Variants in POU2F1 observed in about 807,000 individuals in gnomAD.
The protein encoded by POU2F1 is POU class 2 homeobox 1, also known as POU domain, class 2, transcription factor 1.
Under a neutral mutation model 84.9 loss-of-function variants are expected in POU2F1, and 16 were observed. That is an observed-to-expected ratio of 0.19 (90% CI 0.13 to 0.29). The LOEUF (loss-of-function observed/expected upper bound fraction) is 0.29. Ranked by LOEUF, POU2F1 falls within the 10% of genes least tolerant of loss-of-function variation. The probability of loss-of-function intolerance (pLI) is 1.00; values close to 1 mark genes in which losing one functional copy is unlikely to be tolerated. For missense variants in POU2F1, 738 were observed against 942.6 expected (o/e 0.78, Z 2.84); for synonymous variants, 368 against 368.3 (o/e 1.00, Z 0.01).
At chr1:167,390,382 GA>G (rs1211046888) in intron 9 of POU2F1, among the ~76,000 whole-genome samples, 1 of 152,240 alleles carries the variant, frequency 6.6e-6, no homozygotes, top group Non-Finnish European at 1.5e-5. Context: ...GTTATTTGAA[GA>G]ATATCTGGTG....
chr1:167,408,821 A>T (rs985669707), intron 13 of POU2F1, among the ~76,000 whole-genome samples: 3 of 152,238 alleles, frequency 2.0e-5, no homozygotes, highest in Non-Finnish European at 2.9e-5. Context: ...ATGAATTTTC[A>T]TGTGCTTACT....
chr1:167,301,013 G>A (rs1048898287), intron 1 of POU2F1, among the ~76,000 whole-genome samples: 2 of 152,050 alleles, frequency 1.3e-5, no homozygotes, highest in African/African-American at 2.4e-5. Context: ...CAGGTGATCC[G>A]CCTGCCTTGG....
chr1:167,382,432 A>C (rs1014683669), intron 7 of POU2F1, among the ~76,000 whole-genome samples: 11 of 152,182 alleles, frequency 7.2e-5, no homozygotes, highest in African/African-American at 2.4e-4. Context: ...AGAAAAGCCA[A>C]AGTAGCTGGA....
At chr1:167,387,370 T>C in intron 8 of POU2F1, 1 of 385,454 alleles carries the variant, frequency 2.6e-6, no homozygotes, top group Non-Finnish European at 5.3e-6. Context: ...CTGTGAGAAA[T>C]GTACAGCTAC....
At chr1:167,289,947 A>G (rs1006858388) in intron 1 of POU2F1, among the ~76,000 whole-genome samples, 1 of 152,250 alleles carries the variant, frequency 6.6e-6, no homozygotes, top group African/African-American at 2.4e-5. Flanking sequence ...AAAAATAATT[A>G]TAGTAACTTG....
rs1216979352 is a variant in POU2F1, at chr1:167,422,954, C to A, written c.*7144C>A. The stretch of plus-strand genomic sequence containing the variant: ...TTTATTTTGTTTTGCTCTGCTGGCT[C>A]TTTAAAGATGGATAGTTGCTCAATC... On this transcript the variant is annotated 3_prime_UTR_variant, in exon 16 of 16. Coordinates refer to ENST00000367866, the MANE Select transcript of POU2F1 (RefSeq NM_002697.4). 1.3e-5 allele frequency: 2 copies of A among 152,174 alleles called. No individual in the cohort carries two copies. The highest frequency in any genetic ancestry group is 2.9e-5 in the Non-Finnish European group (2 of 68,036). 9.4% of individuals were successfully genotyped at this position (152,174 alleles called of 1,614,324 possible). A position where few individuals can be genotyped will look rare whatever the true frequency, so the allele number is the denominator to read the frequency against.
At chr1:167,289,631 A>T (rs1182446649) in intron 1 of POU2F1, among the ~76,000 whole-genome samples, 1 of 152,232 alleles carries the variant, frequency 6.6e-6, no homozygotes, top group Non-Finnish European at 1.5e-5. Flanking sequence ...GTTTAATGTG[A>T]CTAACATATT....
intron 13 of POU2F1, among the ~76,000 whole-genome samples, chr1:167,404,015 T>C (rs2101924615): frequency 6.6e-6 from 1 of 152,304 alleles, no homozygotes. Flanking sequence ...TCTTTTTCCT[T>C]GTTTTTTCTC....
chr1:167,331,417 G>A (rs181747737), intron 1 of POU2F1, among the ~76,000 whole-genome samples: 1 of 152,004 alleles, frequency 6.6e-6, no homozygotes, highest in African/African-American at 2.4e-5. Flanking sequence ...GTGCTCTTTG[G>A]TCAAAAACAG....
In POU2F1 at chr1:167,419,075, C is replaced by T. The variant is rs768543256; in HGVS notation, c.*3265C>T. 1.3e-5 allele frequency: 2 copies of T among 152,132 alleles called. No homozygotes were observed. Among genetic ancestry groups the T allele is most frequent in the South Asian group, 2.1e-4 (1 of 4,826 alleles). 9.4% of individuals were successfully genotyped at this position (152,132 alleles called of 1,614,324 possible). A position where few individuals can be genotyped will look rare whatever the true frequency, so the allele number is the denominator to read the frequency against. On this transcript the variant is annotated 3_prime_UTR_variant, in exon 16 of 16. Coordinates refer to ENST00000367866, the MANE Select transcript of POU2F1 (RefSeq NM_002697.4). ...CCTAGATATTCTACTTATCGTATTG[C>T]TTCATGAACACCTTAGTCATTTTTT...
At chr1:167,239,647 A>G (rs1043528847) in intron 1 of POU2F1, among the ~76,000 whole-genome samples, 3 of 152,212 alleles carry the variant, frequency 2.0e-5, no homozygotes, top group East Asian at 1.9e-4. Context: ...AGAACAATAT[A>G]CTTAAAAAGT....
intron 1 of POU2F1, among the ~76,000 whole-genome samples, chr1:167,288,955 T>C (rs1015216115): frequency 5.9e-5 from 9 of 152,246 alleles, no homozygotes; most frequent in African/African-American, 1.9e-4. Context: ...AACTCAGTGC[T>C]CTTTAAATGG....
At chr1:167,295,399 GC>G (rs1654227455) in intron 1 of POU2F1, among the ~76,000 whole-genome samples, 1 of 152,188 alleles carries the variant, frequency 6.6e-6, no homozygotes, top group East Asian at 1.9e-4. Context: ...GGAGCTGCAG[GC>G]CATTATTCTA....
intron 1 of POU2F1, among the ~76,000 whole-genome samples, chr1:167,327,240 C>T (rs570317857): frequency 1.3e-3 from 198 of 152,298 alleles, no homozygotes; most frequent in African/African-American, 4.5e-3. Flanking sequence ...CTCCAGTCCA[C>T]GCTCTTGTCT....
intron 2 of POU2F1, among the ~76,000 whole-genome samples, chr1:167,345,157 C>T (rs762108483): frequency 3.9e-5 from 6 of 151,972 alleles, no homozygotes; most frequent in Non-Finnish European, 8.8e-5. Context: ...CTATGTATCC[C>T]GGAACTTAAA....
At chr1:167,250,030 A>G (rs1394616856) in intron 1 of POU2F1, among the ~76,000 whole-genome samples, 3 of 152,194 alleles carry the variant, frequency 2.0e-5, no homozygotes, top group Non-Finnish European at 2.9e-5. Flanking sequence ...GAATAATGCA[A>G]AATCTTCATT....
chr1:167,245,849 C>G (rs1650282266), intron 1 of POU2F1, among the ~76,000 whole-genome samples: 1 of 152,204 alleles, frequency 6.6e-6, no homozygotes, highest in African/African-American at 2.4e-5. Context: ...GAGCCACTGT[C>G]CGTGGCTCAA....
intron 1 of POU2F1, among the ~76,000 whole-genome samples, chr1:167,260,687 T>G (rs568603122): frequency 1.3e-5 from 2 of 152,344 alleles, no homozygotes; most frequent in Admixed American, 6.5e-5. Context: ...TACATTTCTT[T>G]TGACGCTAAT....
At chr1:167,321,007 A>G (rs1434729135) in intron 1 of POU2F1, among the ~76,000 whole-genome samples, 1 of 152,210 alleles carries the variant, frequency 6.6e-6, no homozygotes. Context: ...CTGTGGCACA[A>G]TGGTAGTGTC....
Sources: gnomAD v4.1 joint callset for allele counts (sites outside exome capture counted in the v4.1 genomes callset) on GRCh38, gnomAD v4.1.1 for gene constraint, MANE v1.5 for transcripts, NCBI Gene and HGNC (gene_info 2026-07-23, HGNC 2026-07-21) for gene names.